RCBTB1: variants seen among roughly 807,000 people sequenced by gnomAD.
The protein encoded by RCBTB1 is RCC1 and BTB domain containing protein 1, also known as RCC1 and BTB domain-containing protein 1.
A neutral mutation model predicts 62.4 loss-of-function variants in RCBTB1; 46 were observed. The ratio of observed to expected loss-of-function variants is 0.74; its 90% confidence interval spans 0.58 to 0.94. The LOEUF is 0.94. Ranked by LOEUF, RCBTB1 falls within the 40% of genes least tolerant of loss-of-function variation. RCBTB1 has a pLI of 0.00. For synonymous variants in RCBTB1, 222 were observed against 245.8 expected, an observed-to-expected ratio of 0.90 and a Z score of 0.91; for missense variants, 565 against 654.9, an observed-to-expected ratio of 0.86 and a Z score of 1.50.
intron 2 of RCBTB1, among the ~76,000 whole-genome samples, chr13:49,575,520 A>T (rs1027856386): frequency 1.3e-5 from 2 of 152,126 alleles, no homozygotes; most frequent in Admixed American, 6.5e-5. Context: ...GCCCGTTGAC[A>T]GTAGATTGGA....
At position 49,555,549 on chromosome 13, in the gene RCBTB1, T is replaced by C; in HGVS notation, c.569A>G (p.Gln190Arg). 1 of 1,614,144 alleles carries C rather than the reference T, an allele frequency of 6.2e-7. No individual in the cohort carries two copies. The change falls in exon 6 of 13, where the codon CAG becomes CGG. Residue 190 changes from glutamine to arginine, a missense_variant. Transcript: ENST00000378302. ...GTCCAGAACAGCCATGGATGAAGTC[T>C]GACCACAGGCAATGCCAACTACCCT... ...IKRVVGIACG[Q>R]TSSMAVLDNG...
chr13:49,585,279 G>C (rs1964338648), intron 1 of RCBTB1, among the ~76,000 whole-genome samples, 165 bp downstream of exon 1: 2 of 152,032 alleles, frequency 1.3e-5, no homozygotes, highest in South Asian at 4.1e-4. Flanking sequence ...CCCATCCCTC[G>C]CCCCGGACGC....
chr13:49,553,719 G>A (rs1009513322), intron 6 of RCBTB1, among the ~76,000 whole-genome samples: 2 of 152,144 alleles, frequency 1.3e-5, no homozygotes, highest in Non-Finnish European at 2.9e-5. Context: ...ATGATGGAGC[G>A]GAAAGGGGGA....
intron 6 of RCBTB1, among the ~76,000 whole-genome samples, chr13:49,554,065 A>C (rs892646193): frequency 6.6e-6 from 1 of 152,202 alleles, no homozygotes; most frequent in Non-Finnish European, 1.5e-5. Context: ...AAGCCGCATA[A>C]ATGGTCTGAT....
intron 4 of RCBTB1, among the ~76,000 whole-genome samples, chr13:49,561,786 A>C (rs114815509): frequency 1.3e-5 from 2 of 152,244 alleles, no homozygotes; most frequent in African/African-American, 4.8e-5. Flanking sequence ...AGCTAATTCT[A>C]CCAGTTACTA....
At chr13:49,544,948 G>A (rs1490431690) in intron 9 of RCBTB1, 85 bp from the exon 10 acceptor site, 5 of 995,070 alleles carry the variant, frequency 5.0e-6, no homozygotes, top group Admixed American at 4.7e-5. Context: ...CATCATGACC[G>A]TGATGGATAA....
chr13:49,558,484 G>A (rs567716601), intron 5 of RCBTB1, among the ~76,000 whole-genome samples: 2 of 152,232 alleles, frequency 1.3e-5, no homozygotes, highest in Non-Finnish European at 2.9e-5. Context: ...CTGAGGTCAG[G>A]AGTTCGAGAC....
At chr13:49,562,286 T>G in intron 4 of RCBTB1, among the ~76,000 whole-genome samples, 1 of 151,754 alleles carries the variant, frequency 6.6e-6, no homozygotes, top group East Asian at 2.0e-4. Context: ...AAGATAAAGT[T>G]GAAGAAATTT....
At chr13:49,574,701 AT>A (rs1406608773) in intron 2 of RCBTB1, among the ~76,000 whole-genome samples, 10 of 23,530 alleles carry the variant, frequency 4.2e-4, no homozygotes, top group Admixed American at 2.9e-3. Flanking sequence ...AAAAAAAAAC[AT>A]TAGAATTATA....
At chr13:49,557,839 G>A (rs538024848) in intron 5 of RCBTB1, among the ~76,000 whole-genome samples, 1 of 152,266 alleles carries the variant, frequency 6.6e-6, no homozygotes, top group East Asian at 1.9e-4. Context: ...CGTTATGCTA[G>A]AGAGAGAGTG....
chr13:49,567,393 A>G, intron 2 of RCBTB1, 73 bp from the exon 3 acceptor site: 1 of 1,080,640 alleles, frequency 9.3e-7, no homozygotes. Flanking sequence ...AAGACCTGTT[A>G]ATAAATACTA....
chr13:49,544,036 A>G (rs1481534992), intron 10 of RCBTB1, among the ~76,000 whole-genome samples: 2 of 152,252 alleles, frequency 1.3e-5, no homozygotes, highest in South Asian at 2.1e-4. Flanking sequence ...ACAGAAGCAC[A>G]GCATTCCTAT....
intron 9 of RCBTB1, 52 bp from the exon 10 acceptor site, chr13:49,544,915 G>A: frequency 6.9e-7 from 1 of 1,448,620 alleles, no homozygotes; most frequent in Non-Finnish European, 9.3e-7. Flanking sequence ...ACAGATTGAA[G>A]ATTCAAAAGA....
intron 12 of RCBTB1, among the ~76,000 whole-genome samples, chr13:49,535,674 G>T (rs1057044677): frequency 6.6e-6 from 1 of 152,076 alleles, no homozygotes; most frequent in African/African-American, 2.4e-5. Context: ...CCTGTCCCTG[G>T]CTAAAAGATG....
chr13:49,556,069 G>A (rs1001510908), intron 5 of RCBTB1, among the ~76,000 whole-genome samples: 8 of 152,076 alleles, frequency 5.3e-5, no homozygotes, highest in Non-Finnish European at 8.8e-5. Context: ...ACACACATAC[G>A]AATGTGGCAT....
intron 2 of RCBTB1, among the ~76,000 whole-genome samples, chr13:49,576,748 T>C (rs1963811483): frequency 6.6e-6 from 1 of 152,308 alleles, no homozygotes; most frequent in Non-Finnish European, 1.5e-5. Context: ...AAGCCTTCCA[T>C]GTTTTATTTA....
At chr13:49,557,723 C>G (rs1363077486) in intron 5 of RCBTB1, among the ~76,000 whole-genome samples, 2 of 151,834 alleles carry the variant, frequency 1.3e-5, no homozygotes, top group African/African-American at 4.8e-5. Flanking sequence ...AGTTCAAGAC[C>G]AGCCTGGGCA....
At chr13:49,537,185 C>T (rs964492767) in intron 12 of RCBTB1, among the ~76,000 whole-genome samples, 3 of 152,124 alleles carry the variant, frequency 2.0e-5, no homozygotes, top group Admixed American at 1.3e-4. Flanking sequence ...CACAAGATCA[C>T]GAACCACACC....
chr13:49,550,430 C>T (rs1961230544), intron 8 of RCBTB1: 1 of 984,490 alleles, frequency 1.0e-6, no homozygotes, highest in African/African-American at 1.7e-5. Flanking sequence ...CAGTAGTATG[C>T]TTCTTGGGTA....
Sources: allele counts gnomAD v4.1 joint callset (sites outside exome capture counted in the v4.1 genomes callset), GRCh38; gene constraint gnomAD v4.1.1; transcripts MANE v1.5; gene names NCBI Gene and HGNC (gene_info 2026-07-23, HGNC 2026-07-21).